The following POLD2 variants were observed in gnomAD, a reference collection of about 807,000 sequenced individuals.
The protein encoded by POLD2 is DNA polymerase delta 2, accessory subunit.
A neutral mutation model predicts 48.8 loss-of-function variants in POLD2; 31 were observed. The ratio of observed to expected loss-of-function variants is 0.64; its 90% CI spans 0.48 to 0.86. The LOEUF (loss-of-function observed/expected upper bound fraction) is 0.86. Ranked by LOEUF, POLD2 falls within the 40% of genes least tolerant of loss-of-function variation. The pLI is 0.00. For missense variants in POLD2, 455 were observed against 610.1 expected, an observed-to-expected ratio of 0.75 and a Z score of 2.68; for synonymous variants, 233 against 256.3, an observed-to-expected ratio of 0.91 and a Z score of 0.87.
chr7:44,116,324 C>CA lies in POLD2; in HGVS notation c.862-53dup, dbSNP rs1194973828. 6.3e-7 allele frequency: 1 copy of CA among 1,598,066 alleles called. No individual in the cohort carries two copies. Among genetic ancestry groups the CA allele is most frequent in the Non-Finnish European group, 8.5e-7 (1 of 1,170,536 alleles). ...CACAGGGCCCCGAAGGAGCCCCCTACACCAACTCCGGCCACTCCCCCTGCC... is the reference window on the plus strand; with the variant it reads ...CACAGGGCCCCGAAGGAGCCCCCTACAACCAACTCCGGCCACTCCCCCTGCC... On this transcript the variant is annotated intron_variant, in intron 7 of 10. Transcript: ENST00000610533. This position sits in a 1 kb window ranked among gnomAD's most constrained non-coding sequence, Gnocchi z 6.1.
Position 44,115,893 on chromosome 7 carries a change from T to C in POLD2, c.1020A>G (p.Arg340=). The C allele has an allele frequency of 6.2e-7, 1 of 1,614,182 alleles. No individual in the cohort carries two copies. The highest frequency in any genetic ancestry group is 8.5e-7 in the Non-Finnish European group (1 of 1,180,022). ...CGTTCTGTCCTGATGTCCCCAAAAATCTGCAAGGCAAAGCTCAGCTGACTC... is the reference window on the plus strand; with the variant it reads ...CGTTCTGTCCTGATGTCCCCAAAAACCTGCAAGGCAAAGCTCAGCTGACTC... ...NPYQATIDGV[R]FLGTSGQNVS... is the part of the protein sequence containing the mutation. Residue 340 remains arginine (R), a splice_region_variant and synonymous_variant, in exon 9 of 11, where the codon AGA becomes AGG. Coordinates refer to ENST00000610533, the MANE Select transcript of POLD2 (RefSeq NM_006230.4).
rs2096241476 is a variant in POLD2 at position 44,117,236 on chromosome 7, C to T, written c.478G>A (p.Ala160Thr). ...TCGTCTCTCACGGAGCCAAACACAG[C>T]CAGGACAGTCCCTGGGGAGCAGTGG... ...VSKLVTGTVL[A>T]VFGSVRDDGK... Residue 160 changes from alanine (A) to threonine (T), a missense_variant, in exon 5 of 11, where the codon GCT (alanine) becomes ACT (threonine). Physicochemically the swap from Ala to Thr is moderately conservative, Grantham distance 58. Around this residue, in one of 3 missense-constraint regions of POLD2, gnomAD observed 349 missense variants for 437.4 expected, o/e 0.80. Coordinates refer to ENST00000610533, the MANE Select transcript of POLD2 (RefSeq NM_006230.4). The T allele has an allele frequency of 6.2e-7, 1 of 1,613,096 alleles. No individual in the cohort carries two copies. Among genetic ancestry groups the T allele is most frequent in the Non-Finnish European group, 8.5e-7 (1 of 1,179,376 alleles).
chr7:44,118,217 C>T (rs907587834), intron 2 of POLD2, 153 bp from the exon 3 acceptor site: 28 of 851,452 alleles, frequency 3.3e-5, no homozygotes, highest in Admixed American at 6.1e-5. Context: ...CTGGACTTCA[C>T]GGTGACAGTA....
At chr7:44,118,242 C>A (rs1562695589) in intron 2 of POLD2, 178 bp from the exon 3 acceptor site, 2 of 636,958 alleles carry the variant, frequency 3.1e-6, no homozygotes, top group East Asian at 3.0e-5. Context: ...GTGAGTCAGC[C>A]ACAGGAGACC....
intron 4 of POLD2, 154 bp from the exon 5 acceptor site, chr7:44,117,401 T>C (rs1397938084): frequency 2.8e-6 from 2 of 717,148 alleles, no homozygotes; most frequent in Non-Finnish European, 4.7e-6. Flanking sequence ...CTGGAGTCAC[T>C]GCCCTTGGAT....
rs552927549 is a variant in POLD2, at chr7:44,123,267, C to T, written c.-57+244G>A. 4.4e-6 allele frequency: 6 copies of T among 1,357,514 alleles called. No homozygotes were observed. The South Asian group carries it at 1.1e-4, about 24-fold the overall frequency. 84.1% of individuals were successfully genotyped at this position (1,357,514 alleles called of 1,614,324 possible). A position where few individuals can be genotyped will look rare whatever the true frequency, so the allele number is the denominator to read the frequency against. ...ACACAGGCTCCGCACACGTGTCTAA[C>T]GAGTGACTCGTTAGGAGCTTTTGGC... On this transcript the variant is annotated intron_variant, in intron 1 of 10. Transcript: ENST00000610533.
In POLD2 at chr7:44,121,851, C is replaced by A; in HGVS notation, c.203G>T (p.Arg68Leu). Residue 68 changes from arginine (R) to leucine (L), a missense_variant, in exon 2 of 11, where the codon CGG becomes CTG. By Grantham distance (102) the Arg-to-Leu change is moderately radical. Around this residue, in one of 3 missense-constraint regions of POLD2, gnomAD observed 349 missense variants for 437.4 expected, o/e 0.80. Coordinates refer to ENST00000610533, the MANE Select transcript of POLD2 (RefSeq NM_006230.4). The surrounding 1 kb of genome is among the most constrained non-coding windows in gnomAD (Gnocchi z 4.5). ...LIQMRPFLENRAQQHWGSGVG... is the reference protein window; with the variant it reads ...LIQMRPFLENLAQQHWGSGVG... The stretch of plus-strand genomic sequence containing the variant: ...TCACTTACCCCAGTGCTGCTGGGCC[C>A]GGTTCTCCAGGAAGGGTCTCATTTG... The A allele has an allele frequency of 5.6e-6, 9 of 1,612,988 alleles. No individual in the cohort carries two copies. Among genetic ancestry groups the A allele is most frequent in the Non-Finnish European group, 7.6e-6 (9 of 1,179,956 alleles).
In POLD2 at chr7:44,117,367, G is replaced by T. The variant is rs2096241830; in HGVS notation, c.467-120C>A. 3 of 779,194 alleles carry T rather than the reference G, an allele frequency of 3.9e-6. No homozygotes were observed. In the African/African-American group the frequency reaches 5.1e-5, roughly 13 times the overall value. 48.3% of individuals were successfully genotyped at this position (779,194 alleles called of 1,614,324 possible). On this transcript the variant is annotated intron_variant, in intron 4 of 10. Coordinates refer to ENST00000610533, the MANE Select transcript of POLD2 (RefSeq NM_006230.4). ...ACCACATTGGTGAATTCTCACCTAG[G>T]ACTCCAGGATGCATGCCTGCTTCCT...
chr7:44,122,134 G>C, intron 1 of POLD2, 25 bp from the exon 2 acceptor site: 1 of 1,539,084 alleles, frequency 6.5e-7, no homozygotes, highest in Non-Finnish European at 8.8e-7. Context: ...AGGCATTCCT[G>C]CTGCCCCTGT....
chr7:44,123,177 A>C (rs1174341752), intron 1 of POLD2: 1 of 1,110,574 alleles, frequency 9.0e-7, no homozygotes, highest in Non-Finnish European at 1.1e-6. Context: ...TCGTACACCT[A>C]CTAGAAAGTT....
chr7:44,123,390 T>G, intron 1 of POLD2, 121 bp downstream of exon 1: 1 of 1,425,734 alleles, frequency 7.0e-7, no homozygotes, highest in South Asian at 1.5e-5. Context: ...GTGCCCCGGC[T>G]CGGATCCACG....
chr7:44,122,455 G>T, intron 1 of POLD2: 2 of 1,046,178 alleles, frequency 1.9e-6, no homozygotes, highest in Non-Finnish European at 2.3e-6. Flanking sequence ...CCAGCTCTCC[G>T]GCACCTGTCT....
rs1418184068 is a variant in POLD2, at chr7:44,117,621, G to A, written c.464C>T (p.Thr155Met). The A allele has an allele frequency of 1.9e-6, 3 of 1,602,758 alleles. No homozygotes were observed. Among genetic ancestry groups the A allele is most frequent in the Non-Finnish European group, 2.6e-6 (3 of 1,174,406 alleles). Residue 155 changes from threonine to methionine, a missense_variant and splice_region_variant, in exon 4 of 11, where the codon ACG becomes ATG. By Grantham distance (81) the Thr-to-Met change is moderately conservative (BLOSUM62 -1). Coordinates refer to ENST00000610533, the MANE Select transcript of POLD2 (RefSeq NM_006230.4). ...KGTIDVSKLV[T>M]GTVLAVFGSV... ...CATCCTCTCATTGGGCTCCCTACCC[G>A]TAACCAGCTTTGACACGTCAATGGT...
upstream of POLD2, among the ~76,000 whole-genome samples, chr7:44,123,964 G>A (rs921424274): frequency 6.6e-6 from 1 of 152,258 alleles, no homozygotes; most frequent in African/African-American, 2.4e-5. Context: ...CCCACTTGTA[G>A]CGATGGCGAC....
At chr7:44,123,612 C>T (rs2096251431), upstream of POLD2, 1 of 1,422,486 alleles carries the variant, frequency 7.0e-7, no homozygotes, top group Non-Finnish European at 9.2e-7. Flanking sequence ...CCTAATCTCA[C>T]CAATCGCTGC....
rs772610454 is a variant in POLD2 at position 44,115,786 on chromosome 7, G to A, written c.1127C>T (p.Pro376Leu). Residue 376 changes from proline to leucine, a missense_variant, in exon 9 of 11, where the codon CCC becomes CTC. Around this residue, in one of 3 missense-constraint regions of POLD2, gnomAD observed 98 missense variants for 138.6 expected, o/e 0.71. Coordinates refer to ENST00000610533, the MANE Select transcript of POLD2 (RefSeq NM_006230.4). ...EWTLRVRHISPTAPDTLGCYP... is the reference protein window; with the variant it reads ...EWTLRVRHISLTAPDTLGCYP... Reference sequence around the variant, plus strand: ...GTTACCTAGAGTGTCAGGGGCTGTGGGGCTGATGTGACGGACCCGCAGGGT... The same window carrying A: ...GTTACCTAGAGTGTCAGGGGCTGTGAGGCTGATGTGACGGACCCGCAGGGT... 1.2e-6 allele frequency: 2 copies of A among 1,613,956 alleles called. No homozygotes were observed. The highest frequency in any genetic ancestry group is 1.1e-5 in the South Asian group (1 of 91,058).
At chr7:44,123,711 C>G, upstream of POLD2, 1 of 1,348,162 alleles carries the variant, frequency 7.4e-7, no homozygotes, top group Non-Finnish European at 9.5e-7. Context: ...CGGAGCCACA[C>G]CCTCGGTTTC....
chr7:44,123,788 A>C, upstream of POLD2: 1 of 1,154,920 alleles, frequency 8.7e-7, no homozygotes, highest in Non-Finnish European at 1.1e-6. Context: ...CCGCGCGTGC[A>C]GGGGTTGGGC....
In POLD2 at chr7:44,116,296, G is replaced by A; in HGVS notation, c.862-24C>T. ...GCCTGGAAGGCACAGGGCAGGGAGA[G>A]CTCACAGGGCCCCGAAGGAGCCCCC... On this transcript the variant is annotated intron_variant, in intron 7 of 10. Coordinates refer to ENST00000610533, the MANE Select transcript of POLD2 (RefSeq NM_006230.4). The surrounding 1 kb of genome is among the most constrained non-coding windows in gnomAD (Gnocchi z 6.1). The A allele has an allele frequency of 6.3e-7, 1 of 1,598,800 alleles. No individual in the cohort carries two copies. Among genetic ancestry groups the A allele is most frequent in the Non-Finnish European group, 8.5e-7 (1 of 1,170,988 alleles).
Sources: allele counts gnomAD v4.1 joint callset (sites outside exome capture counted in the v4.1 genomes callset), GRCh38; gene constraint gnomAD v4.1.1; regional missense constraint gnomAD v4.1.1; non-coding constraint Gnocchi (gnomAD v3.1); transcripts MANE v1.5; gene names NCBI Gene and HGNC (gene_info 2026-07-23, HGNC 2026-07-21).